Variants in ST6GALNAC5 observed in about 807,000 individuals in gnomAD.
ST6GALNAC5 encodes alpha-N-acetylgalactosaminide alpha-2,6-sialyltransferase 5.
In ST6GALNAC5, 27 loss-of-function variants were observed where a neutral mutation model predicts 33.6. The ratio of observed to expected loss-of-function variants is 0.80; its 90% CI spans 0.59 to 1.11. The LOEUF is 1.11. Among genes scored for constraint, ST6GALNAC5 ranks in the 50% least tolerant of loss-of-function variants. The probability of loss-of-function intolerance (pLI) is 0.00; values close to 1 mark genes in which losing one functional copy is unlikely to be tolerated. For synonymous variants in ST6GALNAC5, 194 were observed against 171.2 expected, an observed-to-expected ratio of 1.13 and a Z score of -1.04; for missense variants, 428 against 454.0, an observed-to-expected ratio of 0.94 and a Z score of 0.52.
chr1:77,065,922 G>A lies in ST6GALNAC5; in HGVS notation c.*2716G>A, dbSNP rs1652762418. Among the ~76,000 whole-genome samples the A allele has an allele frequency of 6.6e-6, 1 of 152,150 alleles. No homozygotes were observed. The stretch of plus-strand genomic sequence containing the variant: ...TTCAACACAAGAACATTTGGCAGAG[G>A]CCATTACAATAGATAGCCATTATGG... On this transcript the variant is annotated 3_prime_UTR_variant, in exon 5 of 5. Transcript: ENST00000477717.
At chr1:76,874,717 A>C (rs1467133722) in intron 2 of ST6GALNAC5, among the ~76,000 whole-genome samples, 2 of 152,094 alleles carry the variant, frequency 1.3e-5, no homozygotes, top group Non-Finnish European at 2.9e-5. Context: ...TCCCCAGCGC[A>C]CTGACTCAAA....
At chr1:76,974,773 CTTTTTTTT>C (rs60357939) in intron 2 of ST6GALNAC5, among the ~76,000 whole-genome samples, 10 of 35,244 alleles carry the variant, frequency 2.8e-4, no homozygotes, top group East Asian at 2.3e-3. Flanking sequence ...TTCTTTCTTT[CTTTTTTTT>C]TTTTTTTTTT....
At chr1:76,974,142 T>TA (rs1469532567) in intron 2 of ST6GALNAC5, among the ~76,000 whole-genome samples, 3 of 152,020 alleles carry the variant, frequency 2.0e-5, no homozygotes, top group Non-Finnish European at 4.4e-5. Context: ...GACATCTTTT[T>TA]TAAATCTTCA....
intron 2 of ST6GALNAC5, among the ~76,000 whole-genome samples, chr1:76,916,683 G>T (rs1158817438): frequency 6.6e-6 from 1 of 151,656 alleles, no homozygotes; most frequent in Non-Finnish European, 1.5e-5. Flanking sequence ...AAATCTAGAC[G>T]GTGTGTCATA....
intron 4 of ST6GALNAC5, 60 bp from the exon 5 acceptor site, chr1:77,062,915 A>G: frequency 8.0e-7 from 1 of 1,245,704 alleles, no homozygotes; most frequent in Non-Finnish European, 1.2e-6. Flanking sequence ...TCTTACCTCA[A>G]TCAGTCAAAG....
intron 2 of ST6GALNAC5, among the ~76,000 whole-genome samples, chr1:76,917,308 G>A (rs367657957): frequency 3.3e-5 from 5 of 152,164 alleles, no homozygotes; most frequent in South Asian, 2.1e-4. Flanking sequence ...AGTAAGATTC[G>A]TGATAGACAA....
chr1:77,026,777 C>T (rs1651252958), intron 2 of ST6GALNAC5, among the ~76,000 whole-genome samples: 1 of 151,260 alleles, frequency 6.6e-6, no homozygotes, highest in Non-Finnish European at 1.5e-5. Context: ...TAGTGGACCA[C>T]TAAAGAACAC....
intron 2 of ST6GALNAC5, among the ~76,000 whole-genome samples, chr1:76,998,771 T>C (rs1026167792): frequency 6.6e-6 from 1 of 152,172 alleles, no homozygotes; most frequent in African/African-American, 2.4e-5. Context: ...ATGTGTGAAA[T>C]GTTTGAAGAT....
chr1:76,910,205 T>A (rs1646897624), intron 2 of ST6GALNAC5, among the ~76,000 whole-genome samples: 1 of 152,088 alleles, frequency 6.6e-6, no homozygotes, highest in South Asian at 2.1e-4. Context: ...CTGACAATTT[T>A]CATATCATTT....
At chr1:77,000,949 G>T (rs1650133525) in intron 2 of ST6GALNAC5, among the ~76,000 whole-genome samples, 1 of 151,418 alleles carries the variant, frequency 6.6e-6, no homozygotes, top group Non-Finnish European at 1.5e-5. Flanking sequence ...TTGTTCTTTT[G>T]GCTTAGGATT....
rs536341539 is a variant in ST6GALNAC5, at chr1:76,942,868, G to A, written c.261+74126G>A. Among the ~76,000 whole-genome samples, 6 of 152,116 alleles carry A rather than the reference G, an allele frequency of 3.9e-5. No individual in the cohort carries two copies. The East Asian group carries it at 7.8e-4, about 20-fold the overall frequency. On this transcript the variant is annotated intron_variant, in intron 2 of 4. Coordinates refer to ENST00000477717, the MANE Select transcript of ST6GALNAC5 (RefSeq NM_030965.3). The stretch of plus-strand genomic sequence containing the variant: ...TGCATATCTAGACAGAACTTGACTC[G>A]ACATCCACAGTATCTGATTTATACT...
intron 2 of ST6GALNAC5, among the ~76,000 whole-genome samples, chr1:76,975,508 C>A (rs188935579): frequency 2.6e-5 from 4 of 152,104 alleles, no homozygotes; most frequent in Non-Finnish European, 4.4e-5. Flanking sequence ...TCTACAGGTT[C>A]ATTAACAGAT....
At chr1:77,024,441 A>G (rs994948114) in intron 2 of ST6GALNAC5, among the ~76,000 whole-genome samples, 4 of 152,254 alleles carry the variant, frequency 2.6e-5, no homozygotes, top group Non-Finnish European at 4.4e-5. Context: ...GAATCTTGCT[A>G]CTGGTACAGG....
chr1:76,963,743 A>G (rs1299384315), intron 2 of ST6GALNAC5, among the ~76,000 whole-genome samples: 2 of 152,154 alleles, frequency 1.3e-5, no homozygotes, highest in Non-Finnish European at 2.9e-5. Flanking sequence ...AATCCCCAGA[A>G]CCTTTAAATG....
At position 77,063,293 on chromosome 1, in the gene ST6GALNAC5, G is replaced by C; in HGVS notation, c.*87G>C. 3 of 1,266,736 alleles carry C rather than the reference G, an allele frequency of 2.4e-6. No homozygotes were observed. Among genetic ancestry groups the C allele is most frequent in the Non-Finnish European group, 3.4e-6 (3 of 894,176 alleles). The allele number at this position is 1,266,736 out of a possible 1,614,324, so 78.5% of individuals were successfully genotyped here. On this transcript the variant is annotated 3_prime_UTR_variant, in exon 5 of 5. Transcript: ENST00000477717. Reference sequence around the variant, plus strand: ...CTTCCTGAGCCACCAGACAGGAAAGGGTAGCAGAAAACAGCTTCACTCCTC... The same window carrying C: ...CTTCCTGAGCCACCAGACAGGAAAGCGTAGCAGAAAACAGCTTCACTCCTC...
At chr1:76,953,532 T>C (rs539265843) in intron 2 of ST6GALNAC5, among the ~76,000 whole-genome samples, 35 of 152,266 alleles carry the variant, frequency 2.3e-4, no homozygotes, top group Admixed American at 4.6e-4. Context: ...GTTTGTTTCT[T>C]TACTATACAG....
intron 2 of ST6GALNAC5, among the ~76,000 whole-genome samples, chr1:76,935,562 G>C (rs1445154973): frequency 6.6e-6 from 1 of 151,970 alleles, no homozygotes; most frequent in Non-Finnish European, 1.5e-5. Context: ...GAAATAATGT[G>C]ATTAATTTGG....
intron 2 of ST6GALNAC5, among the ~76,000 whole-genome samples, chr1:76,891,948 C>A (rs1366893780): frequency 1.3e-5 from 2 of 152,164 alleles, no homozygotes; most frequent in African/African-American, 4.8e-5. Flanking sequence ...ATCATATGTA[C>A]TTACAAGCTT....
chr1:77,040,160 T>A (rs937842305), intron 2 of ST6GALNAC5, among the ~76,000 whole-genome samples: 1 of 152,192 alleles, frequency 6.6e-6, no homozygotes, highest in Non-Finnish European at 1.5e-5. Context: ...TAAGATATCA[T>A]CAGTCCCCCT....
Sources: allele counts gnomAD v4.1 joint callset (sites outside exome capture counted in the v4.1 genomes callset), GRCh38; gene constraint gnomAD v4.1.1; transcripts MANE v1.5; gene names NCBI Gene and HGNC (gene_info 2026-07-23, HGNC 2026-07-21).